DCAKD: variants seen among roughly 807,000 people sequenced by gnomAD.
DCAKD encodes dephospho-CoA kinase domain containing, also known as dephospho-CoA kinase domain-containing protein.
In DCAKD, 15 loss-of-function variants were observed where a neutral mutation model predicts 18.7. The observed-to-expected ratio is 0.80, with a 90% CI of 0.54 to 1.24. The LOEUF (loss-of-function observed/expected upper bound fraction) is 1.24, where lower values mean the gene tolerates loss of function less well. DCAKD is among the 50% of genes most tolerant of loss of function. The pLI, the probability that DCAKD is intolerant of heterozygous loss-of-function variation, is 0.00. For missense variants in DCAKD, 301 were observed against 322.0 expected (o/e 0.93, Z 0.50); for synonymous variants, 130 against 133.0 (o/e 0.98, Z 0.16).
chr17:45,032,063 G>A, intron 3 of DCAKD: 1 of 985,398 alleles, frequency 1.0e-6, no homozygotes, highest in Non-Finnish European at 1.2e-6. Flanking sequence ...ATTATCCGAT[G>A]TTTAATTTCA....
chr17:45,041,311 G>A (rs914836417), intron 1 of DCAKD, among the ~76,000 whole-genome samples: 3 of 151,656 alleles, frequency 2.0e-5, no homozygotes, highest in Non-Finnish European at 4.4e-5. Flanking sequence ...CTGAACATGC[G>A]GGCTCTTTTT....
intron 1 of DCAKD, 25 bp from the exon 2 acceptor site, chr17:45,035,024 T>C: frequency 1.2e-6 from 1 of 804,164 alleles, no homozygotes; most frequent in Non-Finnish European, 2.0e-6. Context: ...CCAGCGGGAC[T>C]GATCAGTTTG....
chr17:45,026,082 C>T (rs2053048879), intron 4 of DCAKD, among the ~76,000 whole-genome samples: 1 of 152,058 alleles, frequency 6.6e-6, no homozygotes, highest in Admixed American at 6.6e-5. Flanking sequence ...CCATGCCCAG[C>T]TAATTTTTGT....
chr17:45,055,386 A>G (rs993760685), upstream of DCAKD, among the ~76,000 whole-genome samples: 2 of 151,402 alleles, frequency 1.3e-5, no homozygotes, highest in African/African-American at 4.9e-5. Flanking sequence ...TTATTTATTT[A>G]TTTATTTTTG....
chr17:45,054,580 C>A (rs768384059), upstream of DCAKD, among the ~76,000 whole-genome samples: 3 of 152,134 alleles, frequency 2.0e-5, no homozygotes, highest in Non-Finnish European at 4.4e-5. Context: ...CCAGTCTTGG[C>A]AGTTAGAAAG....
At chr17:45,059,221 C>CAGAGCAAG (rs1652291109) in intron 1 of DCAKD, among the ~76,000 whole-genome samples, 1 of 151,338 alleles carries the variant, frequency 6.6e-6, no homozygotes, top group African/African-American at 2.4e-5. Flanking sequence ...GCCTGGGCGA[C>CAGAGCAAG]AGAGCAAGAG....
chr17:45,030,897 C>T lies in DCAKD; in HGVS notation c.317-718G>A, dbSNP rs985447142. On this transcript the variant is annotated intron_variant, in intron 3 of 4. Coordinates refer to ENST00000651974, the MANE Select transcript of DCAKD (RefSeq NM_001288655.2). Reference sequence around the variant, plus strand: ...TGCAGTGTAAAAGGCACTGGCTGGACCTCCCACCACAAGCCAAGGCCAGTC... The same window carrying T: ...TGCAGTGTAAAAGGCACTGGCTGGATCTCCCACCACAAGCCAAGGCCAGTC... 6 of 856,582 alleles carry T rather than the reference C, an allele frequency of 7.0e-6. No individual in the cohort carries two copies. The African/African-American group carries it at 7.3e-5, about 10-fold the overall frequency. The allele number at this position is 856,582 out of a possible 1,614,324, so 53.1% of individuals were successfully genotyped here. A position where few individuals can be genotyped will look rare whatever the true frequency, so the allele number is the denominator to read the frequency against.
intron 1 of DCAKD, among the ~76,000 whole-genome samples, chr17:45,042,684 C>T (rs1458175044): frequency 6.6e-6 from 1 of 152,230 alleles, no homozygotes; most frequent in Admixed American, 6.5e-5. Context: ...CTATTAAGTG[C>T]TATTTTTGTA....
chr17:45,037,414 A>C (rs2053326960), intron 1 of DCAKD, among the ~76,000 whole-genome samples: 1 of 152,140 alleles, frequency 6.6e-6, no homozygotes, highest in Non-Finnish European at 1.5e-5. Flanking sequence ...AAACAAACAA[A>C]ATGTCAGCCA....
intron 1 of DCAKD, among the ~76,000 whole-genome samples, chr17:45,043,445 T>C (rs2053486874): frequency 6.6e-6 from 1 of 152,168 alleles, no homozygotes; most frequent in Admixed American, 6.5e-5. Flanking sequence ...ACTTGAACCC[T>C]GCAGGCTGGG....
intron 1 of DCAKD, among the ~76,000 whole-genome samples, chr17:45,058,008 CAAAAAAAAAA>C (rs1183133616): frequency 0.06 from 1,748 of 29,056 alleles, 61 homozygotes; most frequent in South Asian, 0.26. Flanking sequence ...GATTCCGTCT[CAAAAAAAAAA>C]AAAAAAAAAA....
At chr17:45,041,813 G>GT (rs1407435623) in intron 1 of DCAKD, among the ~76,000 whole-genome samples, 1 of 151,788 alleles carries the variant, frequency 6.6e-6, no homozygotes, top group African/African-American at 2.4e-5. Context: ...TGGTAAGTGG[G>GT]TAAGGGTATC....
chr17:45,028,405 C>T (rs1021012241), intron 4 of DCAKD, among the ~76,000 whole-genome samples: 9 of 148,646 alleles, frequency 6.1e-5, no homozygotes, highest in Non-Finnish European at 1.0e-4. Flanking sequence ...CCACCACACC[C>T]GGCCTTTTTT....
chr17:45,054,922 A>G (rs4793171), upstream of DCAKD, among the ~76,000 whole-genome samples: 14,959 of 152,156 alleles, frequency 0.098, 805 homozygotes, highest in East Asian at 0.16. Context: ...ACAGTATTAT[A>G]ACTATTCATG....
At chr17:45,040,387 C>CAA (rs34624870) in intron 1 of DCAKD, among the ~76,000 whole-genome samples, 42 of 80,254 alleles carry the variant, frequency 5.2e-4, no homozygotes, top group African/African-American at 1.4e-3. Context: ...GACTCCATCT[C>CAA]AAAAAAAAAA....
chr17:45,039,229 A>G (rs1597963256), intron 1 of DCAKD, among the ~76,000 whole-genome samples: 1 of 152,068 alleles, frequency 6.6e-6, no homozygotes, highest in African/African-American at 2.4e-5. Flanking sequence ...TCACACCTAG[A>G]CCTGCCAGCA....
At chr17:45,055,718 C>T (rs1365672503), upstream of DCAKD, among the ~76,000 whole-genome samples, 1 of 152,210 alleles carries the variant, frequency 6.6e-6, no homozygotes, top group African/African-American at 2.4e-5. Context: ...CCTGTGCTCC[C>T]CACTTTCTTA....
intron 1 of DCAKD, among the ~76,000 whole-genome samples, chr17:45,049,741 CAG>C (rs1448392553): frequency 3.1e-5 from 2 of 65,462 alleles, no homozygotes; most frequent in African/African-American, 1.0e-4. Flanking sequence ...TTTTTTGAAA[CAG>C]AGTCTTGCTC....
At chr17:45,055,764 C>T (rs1241961907), upstream of DCAKD, among the ~76,000 whole-genome samples, 1 of 152,142 alleles carries the variant, frequency 6.6e-6, no homozygotes, top group African/African-American at 2.4e-5. Context: ...CCTGACTCTC[C>T]AGTTCCTGCC....
Sources: allele counts gnomAD v4.1 joint callset (sites outside exome capture counted in the v4.1 genomes callset), GRCh38; gene constraint gnomAD v4.1.1; transcripts MANE v1.5; gene names NCBI Gene and HGNC (gene_info 2026-07-23, HGNC 2026-07-21).